The following SPMIP2 variants were observed in gnomAD, a reference collection of about 807,000 sequenced individuals.
SPMIP2 encodes the protein protein SPMIP2.
chr4:158,936,888 C>T, the SPMIP2 span, among the ~76,000 whole-genome samples: 2 of 152,226 alleles, frequency 1.3e-5, no homozygotes, highest in Admixed American at 1.3e-4. Context: ...TGAGAAAACA[C>T]TCCCTTTTGT....
the SPMIP2 span, among the ~76,000 whole-genome samples, chr4:158,919,720 G>A: frequency 3.9e-5 from 6 of 152,212 alleles, no homozygotes; most frequent in East Asian, 5.8e-4. Flanking sequence ...ATGGGCTCAC[G>A]GTTTCCTGCT....
At chr4:158,939,275 T>C in the SPMIP2 span, among the ~76,000 whole-genome samples, 34,414 of 152,126 alleles carry the variant, frequency 0.23, 4,299 homozygotes, top group Non-Finnish European at 0.29. Flanking sequence ...CAACTTATTT[T>C]AGTTACTTTG....
chr4:158,897,796 C>A, the SPMIP2 span, among the ~76,000 whole-genome samples: 1,552 of 152,278 alleles, frequency 0.01, 11 homozygotes, highest in Non-Finnish European at 0.013. Flanking sequence ...GTTGCCTGCT[C>A]ACTCTGATGA....
chr4:159,062,665 T>C, the SPMIP2 span, among the ~76,000 whole-genome samples: 1 of 121,562 alleles, frequency 8.2e-6, no homozygotes, highest in East Asian at 3.0e-4. Context: ...CCCAAGTTCA[T>C]TCAGGCTGAT....
the SPMIP2 span, among the ~76,000 whole-genome samples, chr4:159,082,494 T>TGTGTGTGTGTGTGTGTG: frequency 6.6e-6 from 1 of 151,120 alleles, no homozygotes; most frequent in Non-Finnish European, 1.5e-5. Context: ...TGTGTGTGTG[T>TGTGTGTGTGTGTGTGTG]TTTGAACCTG....
At chr4:159,008,442 G>A in the SPMIP2 span, among the ~76,000 whole-genome samples, 5 of 152,138 alleles carry the variant, frequency 3.3e-5, no homozygotes, top group African/African-American at 4.8e-5. Context: ...GGTGGCACAC[G>A]CCTATAATCC....
chr4:158,922,771 C>T, the SPMIP2 span, among the ~76,000 whole-genome samples: 2 of 152,138 alleles, frequency 1.3e-5, no homozygotes, highest in Non-Finnish European at 2.9e-5. Flanking sequence ...TCCTCCAGCC[C>T]CTAGCAATTT....
At chr4:159,035,158 G>C in the SPMIP2 span, 1 of 1,384,882 alleles carries the variant, frequency 7.2e-7, no homozygotes, top group African/African-American at 1.4e-5. Flanking sequence ...CAGTTAAGCT[G>C]CACCAGAAAG....
At chr4:158,898,506 T>C in the SPMIP2 span, among the ~76,000 whole-genome samples, 1 of 152,316 alleles carries the variant, frequency 6.6e-6, no homozygotes, top group African/African-American at 2.4e-5. Flanking sequence ...TGTCCTCTCT[T>C]ATTTCCTTGA....
the SPMIP2 span, among the ~76,000 whole-genome samples, chr4:158,965,475 C>T: frequency 6.6e-6 from 1 of 152,044 alleles, no homozygotes; most frequent in Non-Finnish European, 1.5e-5. Flanking sequence ...CCATCAAGGG[C>T]CTATTTTGCA....
the SPMIP2 span, among the ~76,000 whole-genome samples, chr4:159,022,401 A>G: frequency 1.3e-5 from 2 of 152,210 alleles, no homozygotes; most frequent in East Asian, 1.9e-4. Context: ...GTATGTTCCC[A>G]TCTTCTGATC....
chr4:158,921,070 G>A, the SPMIP2 span, among the ~76,000 whole-genome samples: 2 of 152,206 alleles, frequency 1.3e-5, no homozygotes, highest in Non-Finnish European at 2.9e-5. Flanking sequence ...AACCTACGTT[G>A]AAATATTGGG....
At chr4:159,041,476 G>A in the SPMIP2 span, among the ~76,000 whole-genome samples, 3 of 152,162 alleles carry the variant, frequency 2.0e-5, no homozygotes, top group South Asian at 4.1e-4. Flanking sequence ...TACTAAGACT[G>A]AACCCCTTAT....
At chr4:158,965,530 T>C in the SPMIP2 span, among the ~76,000 whole-genome samples, 1 of 152,196 alleles carries the variant, frequency 6.6e-6, no homozygotes, top group Non-Finnish European at 1.5e-5. Context: ...GCCACTGTTG[T>C]TAATTCTAAG....
At chr4:158,904,630 A>G in the SPMIP2 span, 3 of 1,177,926 alleles carry the variant, frequency 2.5e-6, no homozygotes, top group East Asian at 4.7e-5. Flanking sequence ...TGTGATGTCA[A>G]AAGCATGAGA....
the SPMIP2 span, among the ~76,000 whole-genome samples, chr4:158,961,516 A>T: frequency 1.3e-5 from 2 of 152,110 alleles, no homozygotes; most frequent in Non-Finnish European, 2.9e-5. Context: ...TTTTTTTCTC[A>T]ATTGATTCTG....
chr4:159,073,120 C>T, the SPMIP2 span, among the ~76,000 whole-genome samples: 38 of 152,140 alleles, frequency 2.5e-4, no homozygotes, highest in East Asian at 4.8e-3. Context: ...GGAAGCTGTT[C>T]GGTTTAGGAA....
chr4:159,007,662 C>T, the SPMIP2 span: 14 of 749,104 alleles, frequency 1.9e-5, no homozygotes, highest in African/African-American at 2.3e-4. Flanking sequence ...CAAGGAGACT[C>T]ATGTAATGGA....
At chr4:158,924,697 A>G in the SPMIP2 span, among the ~76,000 whole-genome samples, 6 of 151,958 alleles carry the variant, frequency 3.9e-5, no homozygotes, top group Admixed American at 1.3e-4. Context: ...GTTTTTTCAA[A>G]CAGGGTCTTA....
Sources: allele counts gnomAD v4.1 joint callset (sites outside exome capture counted in the v4.1 genomes callset), GRCh38; gene constraint gnomAD v4.1.1; transcripts MANE v1.5; gene names NCBI Gene and HGNC (gene_info 2026-07-23, HGNC 2026-07-21).